Variants in CCDC169 observed in about 807,000 individuals in gnomAD.
The protein encoded by CCDC169 is coiled-coil domain-containing protein 169.
Under a neutral mutation model 36.0 loss-of-function variants are expected in CCDC169, and 30 were observed. That is an observed-to-expected ratio of 0.83 (90% CI 0.62 to 1.13). The LOEUF (loss-of-function observed/expected upper bound fraction) is 1.13, where lower values mean the gene tolerates loss of function less well. CCDC169 is among the 50% of genes most tolerant of loss of function. The probability of loss-of-function intolerance (pLI) is 0.00; values close to 1 mark genes in which losing one functional copy is unlikely to be tolerated. For synonymous variants in CCDC169, 85 were observed against 81.5 expected, an observed-to-expected ratio of 1.04 and a Z score of -0.23; for missense variants, 245 against 245.9, an observed-to-expected ratio of 1.00 and a Z score of 0.03.
intron 4 of CCDC169, among the ~76,000 whole-genome samples, chr13:36,263,447 A>T (rs1321310208): frequency 1.3e-5 from 2 of 152,226 alleles, no homozygotes; most frequent in Non-Finnish European, 2.9e-5. Flanking sequence ...ACTGCAAAAT[A>T]TTTTAGAGCT....
At chr13:36,285,616 T>TAGATAGATAGATACAC (rs1878131560) in intron 2 of CCDC169, among the ~76,000 whole-genome samples, 1 of 149,462 alleles carries the variant, frequency 6.7e-6, no homozygotes, top group South Asian at 2.1e-4. Flanking sequence ...GATAGATAGA[T>TAGATAGATAGATACAC]AGATACATAG....
At chr13:36,233,847 T>C (rs533164901) in intron 7 of CCDC169, among the ~76,000 whole-genome samples, 1 of 152,344 alleles carries the variant, frequency 6.6e-6, no homozygotes, top group Non-Finnish European at 1.5e-5. Flanking sequence ...TGTCAGTCTC[T>C]TGGCCAGCAG....
intron 4 of CCDC169, among the ~76,000 whole-genome samples, chr13:36,274,868 ATTTT>A (rs3083971): frequency 1.7e-5 from 2 of 118,506 alleles, no homozygotes; most frequent in African/African-American, 3.2e-5. Flanking sequence ...CATTAGCTGC[ATTTT>A]TTTTTTTTTT....
chr13:36,269,735 T>C (rs1468014310), intron 4 of CCDC169, among the ~76,000 whole-genome samples: 2 of 152,098 alleles, frequency 1.3e-5, no homozygotes, highest in Non-Finnish European at 2.9e-5. Context: ...CACTTTGTGA[T>C]AAAAACTCTC....
At chr13:36,283,206 C>G in intron 4 of CCDC169, 1 of 452,272 alleles carries the variant, frequency 2.2e-6, no homozygotes, top group Non-Finnish European at 3.9e-6. Flanking sequence ...TTGTCTATAT[C>G]TTTCTCTGAA....
At chr13:36,285,618 G>GATAGATAGATACATACATAC (rs751327575) in intron 2 of CCDC169, among the ~76,000 whole-genome samples, 25 of 133,596 alleles carry the variant, frequency 1.9e-4, no homozygotes, top group African/African-American at 5.8e-4. Flanking sequence ...TAGATAGATA[G>GATAGATAGATACATACATAC]ATACATAGAT....
intron 4 of CCDC169, chr13:36,280,874 C>G (rs1377008349): frequency 1.3e-5 from 2 of 152,582 alleles, no homozygotes; most frequent in African/African-American, 4.8e-5. Flanking sequence ...ATACAGCCAA[C>G]TGTACGCTCA....
intron 4 of CCDC169, among the ~76,000 whole-genome samples, chr13:36,258,693 T>A (rs1343998305): frequency 1.3e-5 from 2 of 152,128 alleles, no homozygotes; most frequent in Non-Finnish European, 2.9e-5. Flanking sequence ...TCATGAATAA[T>A]CCACTCCTTT....
chr13:36,297,698 T>G lies in CCDC169; in HGVS notation c.22A>C (p.Asn8His), dbSNP rs1566096717. Residue 8 changes from asparagine to histidine, a missense_variant, in exon 1 of 8, where the codon AAC (asparagine) becomes CAC (histidine). Coordinates refer to ENST00000239859, the MANE Select transcript of CCDC169 (RefSeq NM_001144981.3). Reference sequence around the variant, plus strand: ...CGGTTGGTGCTCACACCGTCGAAGTTGTAGTTTCTCTCTTCCTTCATAGTG... The same window carrying G: ...CGGTTGGTGCTCACACCGTCGAAGTGGTAGTTTCTCTCTTCCTTCATAGTG... Reference protein sequence around the residue: MKEERNYNFDGVSTNRLK... With the variant: MKEERNYHFDGVSTNRLK... 3 of 1,551,296 alleles carry G rather than the reference T, an allele frequency of 1.9e-6. No homozygotes were observed. Among genetic ancestry groups the G allele is most frequent in the African/African-American group, 1.4e-5 (1 of 73,140 alleles).
At chr13:36,240,491 G>T in intron 7 of CCDC169, 1 of 416,470 alleles carries the variant, frequency 2.4e-6, no homozygotes. Flanking sequence ...TGGATATTTT[G>T]GTTGTGTTAT....
At chr13:36,228,480 T>C (rs1257245932), downstream of CCDC169, among the ~76,000 whole-genome samples, 1 of 152,222 alleles carries the variant, frequency 6.6e-6, no homozygotes, top group Non-Finnish European at 1.5e-5. Flanking sequence ...AGAAAACAAC[T>C]ACTGAAGTCA....
intron 2 of CCDC169, among the ~76,000 whole-genome samples, chr13:36,295,194 T>G (rs1373252227): frequency 6.6e-6 from 1 of 152,226 alleles, no homozygotes; most frequent in Non-Finnish European, 1.5e-5. Context: ...AGAACTTATA[T>G]GACTTCTCAT....
intron 4 of CCDC169, among the ~76,000 whole-genome samples, chr13:36,274,966 T>A (rs2138576481): frequency 6.7e-6 from 1 of 149,992 alleles, no homozygotes; most frequent in South Asian, 2.1e-4. Context: ...CCTGCCAGGT[T>A]CACACCATTC....
At chr13:36,243,069 G>A (rs1160109797) in intron 7 of CCDC169, among the ~76,000 whole-genome samples, 1 of 152,226 alleles carries the variant, frequency 6.6e-6, no homozygotes, top group Non-Finnish European at 1.5e-5. Flanking sequence ...CCTGCCAGAG[G>A]AAGAAAAGGC....
intron 7 of CCDC169, among the ~76,000 whole-genome samples, chr13:36,243,042 A>G (rs560986535): frequency 6.6e-6 from 1 of 152,326 alleles, no homozygotes; most frequent in South Asian, 2.1e-4. Flanking sequence ...TTCCCCAGGG[A>G]TAAGAGTCTG....
At chr13:36,289,820 A>G (rs1408475444) in intron 2 of CCDC169, among the ~76,000 whole-genome samples, 2 of 152,226 alleles carry the variant, frequency 1.3e-5, no homozygotes, top group East Asian at 1.9e-4. Context: ...TTGGTTTACA[A>G]TGACCTGTGG....
intron 4 of CCDC169, among the ~76,000 whole-genome samples, chr13:36,279,765 A>C (rs925088999): frequency 6.6e-6 from 1 of 152,208 alleles, no homozygotes; most frequent in East Asian, 1.9e-4. Context: ...GGTGTTGTCT[A>C]TGGCTCCCTT....
At chr13:36,285,626 G>GATAC (rs199647589) in intron 2 of CCDC169, among the ~76,000 whole-genome samples, 42 of 135,710 alleles carry the variant, frequency 3.1e-4, no homozygotes, top group East Asian at 1.0e-3. Flanking sequence ...TAGATACATA[G>GATAC]ATACATAGAT....
At chr13:36,276,566 TCTGA>T (rs765994803) in intron 4 of CCDC169, among the ~76,000 whole-genome samples, 6 of 152,204 alleles carry the variant, frequency 3.9e-5, no homozygotes, top group Non-Finnish European at 8.8e-5. Flanking sequence ...ACAGGATCCA[TCTGA>T]CTGACTAAGC....
Sources: gnomAD v4.1 joint callset for allele counts (sites outside exome capture counted in the v4.1 genomes callset) on GRCh38, gnomAD v4.1.1 for gene constraint, MANE v1.5 for transcripts, NCBI Gene and HGNC (gene_info 2026-07-23, HGNC 2026-07-21) for gene names.